RICTOR: variants seen among roughly 807,000 people sequenced by gnomAD.
The protein encoded by RICTOR is rapamycin-insensitive companion of mTOR.
RICTOR carries 49 observed loss-of-function variants against 214.9 expected under a neutral mutation model. The observed-to-expected ratio is 0.23, with a 90% confidence interval of 0.18 to 0.29. The LOEUF is 0.29. Among genes scored for constraint, RICTOR ranks in the 10% least tolerant of loss-of-function variants. RICTOR has a pLI of 1.00. For synonymous variants in RICTOR, 717 were observed against 711.3 expected (o/e 1.01, Z -0.13); for missense variants, 1,625 against 2,047.0 (o/e 0.79, Z 3.98).
chr5:39,062,795 G>T (rs1438486125), intron 2 of RICTOR, among the ~76,000 whole-genome samples: 1 of 152,058 alleles, frequency 6.6e-6, no homozygotes, highest in East Asian at 1.9e-4. Context: ...TAAAATCCCT[G>T]AAGTCTTGTT....
At chr5:38,994,189 C>A (rs542232156) in intron 6 of RICTOR, among the ~76,000 whole-genome samples, 28 of 150,504 alleles carry the variant, frequency 1.9e-4, no homozygotes, top group African/African-American at 6.8e-4. Context: ...GACTCCATCT[C>A]AAAAAAATAT....
chr5:38,962,215 A>G, intron 19 of RICTOR, 100 bp downstream of exon 19: 2 of 485,430 alleles, frequency 4.1e-6, no homozygotes, highest in Non-Finnish European at 7.4e-6. Context: ...GTTAAAATGT[A>G]TGTATATGTC....
chr5:39,059,261 A>G (rs1758386357), intron 2 of RICTOR, among the ~76,000 whole-genome samples: 1 of 152,154 alleles, frequency 6.6e-6, no homozygotes, highest in Admixed American at 6.5e-5. Context: ...GAACTTTACA[A>G]AAAGAGTACA....
At chr5:39,041,888 C>G (rs942788134) in intron 2 of RICTOR, among the ~76,000 whole-genome samples, 1 of 142,914 alleles carries the variant, frequency 7.0e-6, no homozygotes, top group African/African-American at 2.6e-5. Flanking sequence ...ATGCAGTGAG[C>G]TATGATCATG....
At chr5:39,073,746 C>T (rs1304249317) in intron 2 of RICTOR, among the ~76,000 whole-genome samples, 1 of 152,192 alleles carries the variant, frequency 6.6e-6, no homozygotes, top group African/African-American at 2.4e-5. Context: ...ATAACAGCCT[C>T]TACCTCCCTC....
At chr5:39,029,996 G>C (rs899007735) in intron 2 of RICTOR, among the ~76,000 whole-genome samples, 7 of 152,050 alleles carry the variant, frequency 4.6e-5, no homozygotes, top group African/African-American at 1.2e-4. Flanking sequence ...TTACTTTCAT[G>C]ATCCAAGATT....
chr5:38,945,159 A>C (rs1004904775), intron 34 of RICTOR, 91 bp from the exon 35 acceptor site: 8 of 929,756 alleles, frequency 8.6e-6, no homozygotes, highest in Non-Finnish European at 1.1e-5. Flanking sequence ...AATATAAAAT[A>C]ACATCTTCTC....
At chr5:38,952,457 T>C (rs763184694) in intron 29 of RICTOR, 32 bp from the exon 30 acceptor site, 1 of 1,406,166 alleles carries the variant, frequency 7.1e-7, no homozygotes, top group Admixed American at 1.7e-5. Flanking sequence ...AAAACAGTTA[T>C]AATTCCAAGC....
At chr5:38,999,181 A>G (rs16867955) in intron 5 of RICTOR, among the ~76,000 whole-genome samples, 3,482 of 152,116 alleles carry the variant, frequency 0.023, 138 homozygotes, top group African/African-American at 0.079. Context: ...AAGATTAACC[A>G]CAACAAAACG....
chr5:38,981,897 T>C lies in RICTOR; in HGVS notation c.723A>G (p.Arg241=), dbSNP rs759764255. 4.5e-5 allele frequency: 72 copies of C among 1,612,648 alleles called. No homozygotes were observed. Among genetic ancestry groups the C allele is most frequent in the Middle Eastern group, 3.3e-4 (2 of 6,076 alleles). The change falls in exon 8 of 38, where the codon CGA becomes CGG. Residue 241 remains arginine (R), a synonymous_variant. Coordinates refer to ENST00000357387, the MANE Select transcript of RICTOR (RefSeq NM_152756.5). Reference sequence around the variant, plus strand: ...ATTCTACATCAGCTCGCACATACTGTCGAGTCTTTGGATGATTAAGAAGGT... The same window carrying C: ...ATTCTACATCAGCTCGCACATACTGCCGAGTCTTTGGATGATTAAGAAGGT... ...ILHLLNHPKT[R]QYVRADVELE...
At chr5:39,014,487 T>G (rs1754785961) in intron 3 of RICTOR, among the ~76,000 whole-genome samples, 1 of 152,254 alleles carries the variant, frequency 6.6e-6, no homozygotes, top group Non-Finnish European at 1.5e-5. Flanking sequence ...TTAATTTTTT[T>G]TACTCAGCTT....
intron 3 of RICTOR, among the ~76,000 whole-genome samples, chr5:39,019,141 G>T (rs1315010721): frequency 6.6e-6 from 1 of 152,088 alleles, no homozygotes; most frequent in African/African-American, 2.4e-5. Flanking sequence ...AGTGTGAATG[G>T]TTCACGAGGT....
Position 38,967,157 on chromosome 5 carries a change from T to A in RICTOR, c.1218+4A>T. 1 of 1,584,336 alleles carries A rather than the reference T, an allele frequency of 6.3e-7. No individual in the cohort carries two copies. Among genetic ancestry groups the A allele is most frequent in the Non-Finnish European group, 8.7e-7 (1 of 1,153,082 alleles). ...TGGAATAAAATAAGGTTTATAAGTCTTACCTCTAAAAGTCCATTACGAATA... is the reference window on the plus strand; with the variant it reads ...TGGAATAAAATAAGGTTTATAAGTCATACCTCTAAAAGTCCATTACGAATA... On this transcript the variant is annotated splice_donor_region_variant and intron_variant, in intron 14 of 37. Transcript: ENST00000357387.
At chr5:39,025,266 A>G (rs1755724291) in intron 2 of RICTOR, among the ~76,000 whole-genome samples, 2 of 152,300 alleles carry the variant, frequency 1.3e-5, no homozygotes, top group African/African-American at 4.8e-5. Flanking sequence ...CTACCATCTA[A>G]CATTCATGTG....
intron 7 of RICTOR, among the ~76,000 whole-genome samples, chr5:38,986,103 G>T (rs1255163986): frequency 3.3e-5 from 5 of 152,122 alleles, no homozygotes; most frequent in African/African-American, 1.2e-4. Flanking sequence ...TCTCAAATTG[G>T]ACCCACGTGT....
chr5:38,958,253 G>T (rs1283233695), intron 24 of RICTOR, among the ~76,000 whole-genome samples, 190 bp downstream of exon 24: 1 of 151,038 alleles, frequency 6.6e-6, no homozygotes, highest in African/African-American at 2.4e-5. Context: ...AAAGGAAAAT[G>T]TCATGAAAAG....
chr5:39,046,158 A>G (rs1026926057), intron 2 of RICTOR, among the ~76,000 whole-genome samples: 2 of 151,710 alleles, frequency 1.3e-5, no homozygotes, highest in East Asian at 3.9e-4. Context: ...AACACCAGCA[A>G]TAAGAGCACT....
chr5:39,050,966 G>A (rs1207886402), intron 2 of RICTOR, among the ~76,000 whole-genome samples: 1 of 151,548 alleles, frequency 6.6e-6, no homozygotes, highest in Non-Finnish European at 1.5e-5. Flanking sequence ...TGAATCAATA[G>A]CAATTCCTAT....
intron 7 of RICTOR, among the ~76,000 whole-genome samples, chr5:38,984,396 TG>T (rs1561492536): frequency 6.6e-6 from 1 of 152,170 alleles, no homozygotes; most frequent in African/African-American, 2.4e-5. Context: ...TAACATGAAA[TG>T]GATTTTTTTT....
Sources: allele counts gnomAD v4.1 joint callset (sites outside exome capture counted in the v4.1 genomes callset), GRCh38; gene constraint gnomAD v4.1.1; transcripts MANE v1.5; gene names NCBI Gene and HGNC (gene_info 2026-07-23, HGNC 2026-07-21).